Variants in PTPN21 observed in about 807,000 individuals in gnomAD.
The protein encoded by PTPN21 is tyrosine-protein phosphatase non-receptor type 21.
PTPN21 carries 77 observed loss-of-function variants against 131.8 expected under a neutral mutation model. The ratio of observed to expected loss-of-function variants is 0.58; its 90% confidence interval spans 0.49 to 0.71. The LOEUF (loss-of-function observed/expected upper bound fraction) is 0.71. Ranked by LOEUF, PTPN21 falls within the 30% of genes least tolerant of loss-of-function variation. The probability of loss-of-function intolerance (pLI) is 0.00; values close to 1 mark genes in which losing one functional copy is unlikely to be tolerated. For synonymous variants in PTPN21, 715 were observed against 621.3 expected (o/e 1.15, Z -2.24); for missense variants, 1,552 against 1,527.1 (o/e 1.02, Z -0.27).
chr14:88,480,373 A>G (rs750939085), intron 12 of PTPN21, 21 bp from the exon 13 acceptor site: 2 of 1,565,002 alleles, frequency 1.3e-6, no homozygotes, highest in Non-Finnish European at 1.8e-6. Flanking sequence ...TGAGTTCAAA[A>G]TGAGATTTTT....
intron 2 of PTPN21, among the ~76,000 whole-genome samples, chr14:88,541,513 G>A (rs1369737473): frequency 6.6e-6 from 1 of 152,212 alleles, no homozygotes; most frequent in Non-Finnish European, 1.5e-5. Context: ...AAGGAAGAAT[G>A]AATCATCCAT....
chr14:88,516,014 G>A (rs2078263028), intron 3 of PTPN21, among the ~76,000 whole-genome samples: 1 of 152,036 alleles, frequency 6.6e-6, no homozygotes, highest in Admixed American at 6.5e-5. Flanking sequence ...TCATTAACTG[G>A]CAGACTCAAA....
intron 2 of PTPN21, among the ~76,000 whole-genome samples, chr14:88,526,278 G>A (rs893479994): frequency 2.0e-5 from 3 of 152,014 alleles, no homozygotes; most frequent in South Asian, 2.1e-4. Context: ...GGCCAGGCAC[G>A]GTGGCTCACA....
Position 88,472,237 on chromosome 14 carries a change from C to T in PTPN21, c.2871+7G>A, listed in dbSNP as rs1211597603. The T allele has an allele frequency of 1.9e-6, 3 of 1,575,974 alleles. No homozygotes were observed. The highest frequency in any genetic ancestry group is 2.6e-6 in the Non-Finnish European group (3 of 1,146,120). The stretch of plus-strand genomic sequence containing the variant: ...GTGCTGTTGATTACTTGAGGCGTTC[C>T]TCTCACCTTAATATGTGATGCGTTG... On this transcript the variant is annotated splice_region_variant and intron_variant, in intron 15 of 18. Transcript: ENST00000556564.
intron 2 of PTPN21, among the ~76,000 whole-genome samples, chr14:88,533,308 T>C (rs1284243430): frequency 6.6e-6 from 1 of 152,194 alleles, no homozygotes; most frequent in African/African-American, 2.4e-5. Flanking sequence ...AATGTTTTAG[T>C]CAACGACAGA....
chr14:88,479,634 C>G lies in PTPN21; in HGVS notation c.1797G>C (p.Val599=), dbSNP rs1231446306. The stretch of plus-strand genomic sequence containing the variant: ...CCTGGAACGTTTGCACCGAGTGGTG[C>G]ACGCGCCGCGTGATGAGGTCGGGGT... ...SSNPDLITRR[V]HHSVQTFQED... is the part of the protein sequence containing the mutation. Residue 599 remains valine (V), a synonymous_variant, in exon 13 of 19, where the codon GTG becomes GTC. Transcript: ENST00000556564. 6.4e-7 allele frequency: 1 copy of G among 1,565,902 alleles called. No homozygotes were observed. Among genetic ancestry groups the G allele is most frequent in the Non-Finnish European group, 8.6e-7 (1 of 1,160,906 alleles).
At chr14:88,497,632 C>T (rs916662246) in intron 8 of PTPN21, among the ~76,000 whole-genome samples, 3 of 151,478 alleles carry the variant, frequency 2.0e-5, no homozygotes, top group East Asian at 2.0e-4. Flanking sequence ...AGAAAAAACT[C>T]GCCAGGCGTG....
chr14:88,503,413 T>C (rs1399512876), intron 6 of PTPN21, among the ~76,000 whole-genome samples: 1 of 152,204 alleles, frequency 6.6e-6, no homozygotes, highest in African/African-American at 2.4e-5. Context: ...TGAGTAGTTA[T>C]AAGAATTTAA....
At chr14:88,530,227 T>G (rs986892605) in intron 2 of PTPN21, among the ~76,000 whole-genome samples, 2 of 139,240 alleles carry the variant, frequency 1.4e-5, no homozygotes, top group Non-Finnish European at 3.4e-5. Flanking sequence ...AAACAAATGC[T>G]GAAACAATTT....
intron 10 of PTPN21, among the ~76,000 whole-genome samples, chr14:88,490,299 G>A (rs1287414286): frequency 1.3e-5 from 2 of 152,028 alleles, no homozygotes; most frequent in Non-Finnish European, 2.9e-5. Flanking sequence ...ATGAGCCACC[G>A]TGACCGGCCG....
chr14:88,471,500 TAAGCA>T (rs1380623995), intron 15 of PTPN21, among the ~76,000 whole-genome samples: 1 of 152,106 alleles, frequency 6.6e-6, no homozygotes, highest in Non-Finnish European at 1.5e-5. Context: ...TGGATATCCA[TAAGCA>T]GAAAAGTAAA....
At chr14:88,518,062 A>G (rs2078308156) in intron 2 of PTPN21, among the ~76,000 whole-genome samples, 2 of 146,234 alleles carry the variant, frequency 1.4e-5, no homozygotes, top group Non-Finnish European at 3.0e-5. Flanking sequence ...TTTTTGGTTC[A>G]GAGTTCAGTA....
chr14:88,550,197 A>G (rs761267979), intron 2 of PTPN21, 41 bp downstream of exon 2: 1 of 1,580,144 alleles, frequency 6.3e-7, no homozygotes, highest in South Asian at 1.2e-5. Context: ...TACAGGCTTG[A>G]GCCACCCGCG....
intron 3 of PTPN21, chr14:88,515,135 G>C (rs1416618453): frequency 6.6e-6 from 1 of 152,162 alleles, no homozygotes; most frequent in Non-Finnish European, 1.5e-5. Context: ...AGACTCTGTG[G>C]AGCTGTCAGA....
Position 88,507,946 on chromosome 14 carries a change from T to A in PTPN21, c.425A>T (p.Gln142Leu), listed in dbSNP as rs138752198. 1 of 1,604,734 alleles carries A rather than the reference T, an allele frequency of 6.2e-7. No homozygotes were observed. Among genetic ancestry groups the A allele is most frequent in the Non-Finnish European group, 8.5e-7 (1 of 1,174,600 alleles). Residue 142 changes from glutamine to leucine, a missense_variant, in exon 4 of 19, where the codon CAG becomes CTG. By Grantham distance (113) the Gln-to-Leu change is moderately radical. Around this residue, in one of 4 missense-constraint regions of PTPN21, gnomAD observed 206 missense variants for 221.6 expected, o/e 0.93. Coordinates refer to ENST00000556564, the MANE Select transcript of PTPN21 (RefSeq NM_007039.4). The part of the protein sequence containing the change: ...SIPCTLEQAI[Q>L]LAGLAVQADF... ...ACCTTGAACAGCTAAGCCTGCTAGC[T>A]GAATTGCTTGTTCTAAGGTACAAGG...
At position 88,479,518 on chromosome 14, in the gene PTPN21, A is replaced by G. The variant is rs776676360; in HGVS notation, c.1913T>C (p.Ile638Thr). ...GCCGTGGCTGAGCCCGGCCACCTCGATGCTGTTCCGTTTGTGCAGCTGCGC... is the reference window on the plus strand; with the variant it reads ...GCCGTGGCTGAGCCCGGCCACCTCGGTGCTGTTCCGTTTGTGCAGCTGCGC... ...RHAQLHKRNS[I>T]EVAGLSHGLE... The change falls in exon 13 of 19, where the codon ATC becomes ACC. Residue 638 changes from isoleucine (I) to threonine (T), a missense_variant. Physicochemically the swap from Ile to Thr is moderately conservative, Grantham distance 89. Around this residue, in one of 4 missense-constraint regions of PTPN21, gnomAD observed 1,016 missense variants for 883.5 expected, o/e 1.15. Coordinates refer to ENST00000556564, the MANE Select transcript of PTPN21 (RefSeq NM_007039.4). The G allele has an allele frequency of 6.2e-7, 1 of 1,600,606 alleles. No individual in the cohort carries two copies. Among genetic ancestry groups the G allele is most frequent in the Non-Finnish European group, 8.5e-7 (1 of 1,179,280 alleles).
intron 1 of PTPN21, among the ~76,000 whole-genome samples, chr14:88,553,343 A>G (rs759603793): frequency 6.6e-6 from 1 of 152,196 alleles, no homozygotes; most frequent in East Asian, 1.9e-4. Flanking sequence ...CTATGTTAAA[A>G]CAATGATTTT....
In PTPN21 at chr14:88,544,106, A is replaced by G. The variant is rs375492761; in HGVS notation, c.180+6132T>C. On this transcript the variant is annotated intron_variant, in intron 2 of 18. Coordinates refer to ENST00000556564, the MANE Select transcript of PTPN21 (RefSeq NM_007039.4). The stretch of plus-strand genomic sequence containing the variant: ...CTGCCTGCAATCCCAGCACTTTGGG[A>G]GGCCAAGGTGGGTGGATCACCTGAG... 4.5e-4 allele frequency among the ~76,000 whole-genome samples: 69 copies of G among 152,296 alleles called. No homozygotes were observed. In the East Asian group the frequency reaches 7.5e-3, roughly 17 times the overall value.
intron 2 of PTPN21, among the ~76,000 whole-genome samples, chr14:88,533,523 ATGAC>A (rs1440278355): frequency 3.9e-5 from 6 of 152,210 alleles, no homozygotes; most frequent in Non-Finnish European, 8.8e-5. Flanking sequence ...ACGATAATAA[ATGAC>A]TATGTTACTG....
Sources: allele counts gnomAD v4.1 joint callset (sites outside exome capture counted in the v4.1 genomes callset), GRCh38; gene constraint gnomAD v4.1.1; regional missense constraint gnomAD v4.1.1; transcripts MANE v1.5; gene names NCBI Gene and HGNC (gene_info 2026-07-23, HGNC 2026-07-21).